Variants in SUFU observed in about 807,000 individuals in gnomAD.
The protein encoded by SUFU is SUFU negative regulator of hedgehog signaling, also known as suppressor of fused homolog.
In SUFU, 7 loss-of-function variants were observed where a neutral mutation model predicts 58.9. The observed-to-expected ratio is 0.12, with a 90% CI of 0.07 to 0.22. The LOEUF (loss-of-function observed/expected upper bound fraction) is 0.22. Among genes scored for constraint, SUFU ranks in the 10% least tolerant of loss-of-function variants. The probability of loss-of-function intolerance (pLI) is 1.00; values close to 1 mark genes in which losing one functional copy is unlikely to be tolerated. For missense variants in SUFU, 451 were observed against 641.3 expected, an observed-to-expected ratio of 0.70 and a Z score of 3.20; for synonymous variants, 232 against 254.8, an observed-to-expected ratio of 0.91 and a Z score of 0.85.
rs114098128 is a variant in SUFU, at chr10:102,570,807, G to A, written c.454+20701G>A. On this transcript the variant is annotated intron_variant, in intron 3 of 11. Transcript: ENST00000369902. ...AAGAAAACATCTGCTCTTCCTATGTGGGTGGATTCTATGTCTGTGTCTCAG... is the reference window on the plus strand; with the variant it reads ...AAGAAAACATCTGCTCTTCCTATGTAGGTGGATTCTATGTCTGTGTCTCAG... 5.3e-3 allele frequency among the ~76,000 whole-genome samples: 812 copies of A among 152,194 alleles called. 5 individuals are homozygous for A. Among genetic ancestry groups the A allele is most frequent in the African/African-American group, 0.019 (775 of 41,532 alleles).
Position 102,597,222 on chromosome 10 carries a change from G to A in SUFU, c.839G>A (p.Arg280Gln), listed in dbSNP as rs145704867. Residue 280 changes from arginine to glutamine, a missense_variant, in exon 7 of 12, where the codon CGG becomes CAG. Coordinates refer to ENST00000369902, the MANE Select transcript of SUFU (RefSeq NM_016169.4). ...SAKCAWDDLS[R>Q]PPEDDEDSRS... Reference sequence around the variant, plus strand: ...AAGTGTGCCTGGGATGACCTGAGCCGGCCCCCCGAGGATGACGAGGACAGC... The same window carrying A: ...AAGTGTGCCTGGGATGACCTGAGCCAGCCCCCCGAGGATGACGAGGACAGC... 198 of 1,613,804 alleles carry A rather than the reference G, an allele frequency of 1.2e-4. 1 individual carries two copies. The highest frequency in any genetic ancestry group is 4.0e-4 in the South Asian group (36 of 91,072).
chr10:102,514,546 C>T lies in SUFU; in HGVS notation c.317+5243C>T, dbSNP rs141797218. ...AGGTCTGGGCAGCCACAGGAGAGAACAGAGTGCTTTTCTAGGAACCCCAAG... is the reference window on the plus strand; with the variant it reads ...AGGTCTGGGCAGCCACAGGAGAGAATAGAGTGCTTTTCTAGGAACCCCAAG... On this transcript the variant is annotated intron_variant, in intron 2 of 11. Coordinates refer to ENST00000369902, the MANE Select transcript of SUFU (RefSeq NM_016169.4). Among the ~76,000 whole-genome samples the T allele has an allele frequency of 4.3e-3, 662 of 152,310 alleles. 7 individuals are homozygous for T. Among genetic ancestry groups the T allele is most frequent in the African/African-American group, 0.015 (630 of 41,578 alleles).
intron 3 of SUFU, among the ~76,000 whole-genome samples, chr10:102,557,357 G>A (rs1312193675): frequency 1.3e-5 from 2 of 152,074 alleles, no homozygotes; most frequent in Admixed American, 6.6e-5. Context: ...GCAGTGAGGC[G>A]GGCAGATTGC....
intron 3 of SUFU, among the ~76,000 whole-genome samples, chr10:102,587,057 T>C (rs1230502162): frequency 6.6e-6 from 1 of 152,264 alleles, no homozygotes; most frequent in African/African-American, 2.4e-5. Flanking sequence ...GGCTGAATAG[T>C]ATTCCATTGT....
In SUFU at chr10:102,504,188, C is replaced by T; in HGVS notation, c.36C>T (p.Pro12=). 6.5e-7 allele frequency: 1 copy of T among 1,547,502 alleles called. No individual in the cohort carries two copies. ...TGCGGCCTAGCGGCGCCCCCGGCCC[C>T]ACCGCGCCCCCGGCCCCTGGCCCGA... ...AELRPSGAPG[P]TAPPAPGPTA... Residue 12 remains proline (P), a synonymous_variant, in exon 1 of 12, where the codon CCC becomes CCT. Coordinates refer to ENST00000369902, the MANE Select transcript of SUFU (RefSeq NM_016169.4).
intron 2 of SUFU, among the ~76,000 whole-genome samples, chr10:102,515,668 CACATCTGT>C (rs1162619034): frequency 6.6e-6 from 1 of 152,108 alleles, no homozygotes; most frequent in African/African-American, 2.4e-5. Context: ...CTTCGCCATA[CACATCTGT>C]ACTGGGAGCT....
In SUFU at chr10:102,553,961, C is replaced by T. The variant is rs982036320; in HGVS notation, c.454+3855C>T. Among the ~76,000 whole-genome samples the T allele has an allele frequency of 4.6e-5, 7 of 152,150 alleles. No individual in the cohort carries two copies. In the South Asian group the frequency reaches 8.3e-4, roughly 18 times the overall value. Reference sequence around the variant, plus strand: ...TTTTAAAAATTAGCCATTGTGGTGACGCGTGCTTGTGGTCCCAGCTACTCA... The same window carrying T: ...TTTTAAAAATTAGCCATTGTGGTGATGCGTGCTTGTGGTCCCAGCTACTCA... On this transcript the variant is annotated intron_variant, in intron 3 of 11. Transcript: ENST00000369902.
rs1378645161 is a variant in SUFU at position 102,594,039 on chromosome 10, A to G, written c.730A>G (p.Ile244Val). The change falls in exon 6 of 12, where the codon ATA becomes GTA. Residue 244 changes from isoleucine (I) to valine (V), a missense_variant. Coordinates refer to ENST00000369902, the MANE Select transcript of SUFU (RefSeq NM_016169.4). ...AACTGACATGCGGAGGGGAGAGACC[A>G]TATTTGAGATCGATCCACACCTGCA... Reference protein sequence around the residue: ...LITDMRRGETIFEIDPHLQER... With the variant: ...LITDMRRGETVFEIDPHLQER... 6.2e-7 allele frequency: 1 copy of G among 1,613,454 alleles called. No homozygotes were observed. The highest frequency in any genetic ancestry group is 2.2e-5 in the East Asian group (1 of 44,840).
chr10:102,526,325 G>C (rs770179512), intron 2 of SUFU, among the ~76,000 whole-genome samples: 5 of 152,154 alleles, frequency 3.3e-5, no homozygotes, highest in Non-Finnish European at 7.4e-5. Flanking sequence ...GGCCACGGGG[G>C]GGTGGATCAC....
At chr10:102,515,940 C>T (rs2062463087) in intron 2 of SUFU, among the ~76,000 whole-genome samples, 2 of 152,110 alleles carry the variant, frequency 1.3e-5, no homozygotes, top group Admixed American at 1.3e-4. Flanking sequence ...GTGATCTGGA[C>T]CACCAAGCAA....
chr10:102,549,839 C>G, intron 2 of SUFU, 131 bp from the exon 3 acceptor site: 1 of 1,215,222 alleles, frequency 8.2e-7, no homozygotes, highest in East Asian at 2.4e-5. Context: ...GGCTCACATC[C>G]TGGGATACTC....
chr10:102,584,883 C>T (rs1190713298), intron 3 of SUFU, among the ~76,000 whole-genome samples: 2 of 152,230 alleles, frequency 1.3e-5, no homozygotes, highest in African/African-American at 4.8e-5. Flanking sequence ...TCATCACTGA[C>T]GTACTGTGAG....
intron 1 of SUFU, among the ~76,000 whole-genome samples, chr10:102,508,225 C>T (rs1021447312): frequency 1.3e-5 from 2 of 152,108 alleles, no homozygotes; most frequent in African/African-American, 2.4e-5. Context: ...CCACCCACTT[C>T]GGCCTCCCAA....
rs747625757 is a variant in SUFU at position 102,589,442 on chromosome 10, CT to C, written c.455-3119del. 2.1e-4 allele frequency among the ~76,000 whole-genome samples: 14 copies of C among 65,364 alleles called. No individual in the cohort carries two copies. The East Asian group carries it at 5.3e-3, about 25-fold the overall frequency. 42.9% of individuals were successfully genotyped at this position (65,364 alleles called of 152,430 possible). On this transcript the variant is annotated intron_variant, in intron 3 of 11. Transcript: ENST00000369902. ...CAATCTGGAAGTATTTTCTTTCTTT[CT>C]TTTTTTTTTTTTTTTTTTTTGAGAC... is the stretch of plus-strand genomic sequence containing the variant.
chr10:102,594,148 CAG>C (rs2063436338), intron 6 of SUFU, 83 bp downstream of exon 6: 1 of 1,393,084 alleles, frequency 7.2e-7, no homozygotes, highest in Admixed American at 1.7e-5. Flanking sequence ...CCTGGGAAAA[CAG>C]AGGACCTTTA....
At position 102,617,943 on chromosome 10, in the gene SUFU, G is replaced by C. The variant is rs910749853; in HGVS notation, c.1296+515G>C. 9.8e-6 allele frequency: 2 copies of C among 203,718 alleles called. No homozygotes were observed. The highest frequency in any genetic ancestry group is 2.0e-5 in the Non-Finnish European group (2 of 101,032). The allele number at this position is 203,718 out of a possible 1,614,324, so 12.6% of individuals were successfully genotyped here. A position where few individuals can be genotyped will look rare whatever the true frequency, so the allele number is the denominator to read the frequency against. On this transcript the variant is annotated intron_variant, in intron 10 of 11. Transcript: ENST00000369902. This position sits in a 1 kb window ranked among gnomAD's most constrained non-coding sequence, Gnocchi z 4.4. ...ATCTGACAGCCCTCCCGTTCCTCCTGAGTTTGTGTGACCAGAGACCTGCTG... is the reference window on the plus strand; with the variant it reads ...ATCTGACAGCCCTCCCGTTCCTCCTCAGTTTGTGTGACCAGAGACCTGCTG...
intron 3 of SUFU, among the ~76,000 whole-genome samples, chr10:102,576,484 T>C (rs2063213484): frequency 6.6e-6 from 1 of 152,214 alleles, no homozygotes; most frequent in Non-Finnish European, 1.5e-5. Flanking sequence ...ACTATTCCCC[T>C]GGTGATGCAC....
At chr10:102,615,637 T>C (rs1265770886) in intron 9 of SUFU, among the ~76,000 whole-genome samples, 1 of 152,176 alleles carries the variant, frequency 6.6e-6, no homozygotes. Context: ...CTACTCCACA[T>C]GGGGCCTGTT....
intron 2 of SUFU, among the ~76,000 whole-genome samples, chr10:102,517,909 G>A (rs1392371089): frequency 6.6e-6 from 1 of 152,182 alleles, no homozygotes; most frequent in Non-Finnish European, 1.5e-5. Flanking sequence ...ATGTGTTTGA[G>A]TGTGGAGACA....
Sources: allele counts gnomAD v4.1 joint callset (sites outside exome capture counted in the v4.1 genomes callset), GRCh38; gene constraint gnomAD v4.1.1; non-coding constraint Gnocchi (gnomAD v3.1); transcripts MANE v1.5; gene names NCBI Gene and HGNC (gene_info 2026-07-23, HGNC 2026-07-21).